RILPL1: variants seen among roughly 807,000 people sequenced by gnomAD.
The protein encoded by RILPL1 is Rab interacting lysosomal protein like 1, also known as RILP-like protein 1.
RILPL1 carries 33 observed loss-of-function variants against 50.3 expected under a neutral mutation model. That is an observed-to-expected ratio of 0.66 (90% CI 0.50 to 0.88). The LOEUF is 0.88. Among genes scored for constraint, RILPL1 ranks in the 40% least tolerant of loss-of-function variants. RILPL1 has a pLI of 0.00. For synonymous variants in RILPL1, 205 were observed against 228.6 expected (o/e 0.90, Z 0.93); for missense variants, 418 against 542.5 (o/e 0.77, Z 2.28).
chr12:123,480,490 C>G (rs566255066), intron 6 of RILPL1, among the ~76,000 whole-genome samples: 71 of 152,118 alleles, frequency 4.7e-4, no homozygotes, highest in Non-Finnish European at 9.0e-4. Flanking sequence ...GACCTGGGAA[C>G]AAATGGCTGA....
intron 2 of RILPL1, chr12:123,514,312 A>C (rs1484115738): frequency 6.6e-6 from 1 of 152,136 alleles, no homozygotes; most frequent in Non-Finnish European, 1.5e-5. Flanking sequence ...ACCTGCAGGG[A>C]GGGAGGGCAG....
Position 123,498,834 on chromosome 12 carries a change from G to A in RILPL1, c.580-69C>T, listed in dbSNP as rs780236443. ...TAGCTCAGGTTGTACACTGCACAAC[G>A]GCAAACCATCCATAGGTGTGCCATT... On this transcript the variant is annotated intron_variant, in intron 3 of 6. Coordinates refer to ENST00000376874, the MANE Select transcript of RILPL1 (RefSeq NM_178314.5). This position sits in a 1 kb window ranked among gnomAD's most constrained non-coding sequence, Gnocchi z 4.3. The A allele has an allele frequency of 6.3e-6, 9 of 1,425,714 alleles. No homozygotes were observed. The highest frequency in any genetic ancestry group is 2.3e-5 in the South Asian group (2 of 87,104). 88.3% of individuals were successfully genotyped at this position (1,425,714 alleles called of 1,614,324 possible). A position where few individuals can be genotyped will look rare whatever the true frequency, so the allele number is the denominator to read the frequency against.
At chr12:123,509,573 A>C (rs1236641797) in intron 2 of RILPL1, among the ~76,000 whole-genome samples, 1 of 152,038 alleles carries the variant, frequency 6.6e-6, no homozygotes, top group Non-Finnish European at 1.5e-5. Context: ...CAAAAAAAAA[A>C]AAAAAAAGAA....
intron 2 of RILPL1, among the ~76,000 whole-genome samples, chr12:123,504,000 CAAA>C (rs552223986): frequency 3.8e-4 from 40 of 104,550 alleles, no homozygotes; most frequent in Non-Finnish European, 4.6e-4. Context: ...GACTCTATCT[CAAA>C]AAAAAAAAAA....
chr12:123,503,819 G>A (rs1883558921), intron 2 of RILPL1, among the ~76,000 whole-genome samples: 1 of 151,716 alleles, frequency 6.6e-6, no homozygotes, highest in Non-Finnish European at 1.5e-5. Flanking sequence ...GGCTAACACG[G>A]TGAAACCCTG....
In RILPL1 at chr12:123,511,096, T is replaced by C. The variant is rs537275551; in HGVS notation, c.461-11560A>G. Among the ~76,000 whole-genome samples the C allele has an allele frequency of 3.4e-3, 480 of 140,104 alleles. 8 individuals carry two copies. The highest frequency in any genetic ancestry group is 0.012 in the African/African-American group (448 of 36,784). 91.9% of individuals were successfully genotyped at this position (140,104 alleles called of 152,430 possible). ...GTGTGTGAGGTCTGTGTGTGGTGTG[T>C]GTGTTAGGTCTGTGTGTGTGGTGTG... On this transcript the variant is annotated intron_variant, in intron 2 of 6. Transcript: ENST00000376874.
chr12:123,475,334 C>T (rs1322298441), intron 6 of RILPL1: 7 of 331,380 alleles, frequency 2.1e-5, no homozygotes, highest in South Asian at 7.4e-5. Context: ...TAGTGTCACT[C>T]GGGGACCGCA....
chr12:123,527,972 G>T (rs868193741), intron 1 of RILPL1, among the ~76,000 whole-genome samples: 1 of 152,046 alleles, frequency 6.6e-6, no homozygotes, highest in Non-Finnish European at 1.5e-5. Context: ...TCTGACGTCC[G>T]GAAATTTCTC....
chr12:123,520,091 A>G (rs182229789), intron 2 of RILPL1, among the ~76,000 whole-genome samples: 1 of 152,338 alleles, frequency 6.6e-6, no homozygotes, highest in East Asian at 1.9e-4. Context: ...TCCTAGGTAC[A>G]CACCTCAAAG....
chr12:123,475,896 AATTTTTTT>A, intron 6 of RILPL1: 4 of 504,986 alleles, frequency 7.9e-6, no homozygotes, highest in Middle Eastern at 5.1e-4. Context: ...ATTCACTTAA[AATTTTTTT>A]TTTTTTTTTT....
Position 123,485,440 on chromosome 12 carries a change from T to C in RILPL1, c.974+193A>G, listed in dbSNP as rs1882261731. Among the ~76,000 whole-genome samples, 1 of 152,214 alleles carries C rather than the reference T, an allele frequency of 6.6e-6. No homozygotes were observed. Among genetic ancestry groups the C allele is most frequent in the Non-Finnish European group, 1.5e-5 (1 of 68,048 alleles). Reference sequence around the variant, plus strand: ...CTGGAATTAAAGGTGTGAGCTCTGGTGCCCGGCCTGGGCCCAAGAGTTTCA... The same window carrying C: ...CTGGAATTAAAGGTGTGAGCTCTGGCGCCCGGCCTGGGCCCAAGAGTTTCA... On this transcript the variant is annotated intron_variant, in intron 5 of 6. Transcript: ENST00000376874. The surrounding 1 kb of genome is among the most constrained non-coding windows in gnomAD (Gnocchi z 4.0).
At chr12:123,483,832 C>T (rs1014132706) in intron 6 of RILPL1, among the ~76,000 whole-genome samples, 20 of 152,172 alleles carry the variant, frequency 1.3e-4, no homozygotes, top group African/African-American at 2.2e-4. Flanking sequence ...GCTTCAGATG[C>T]ACAACCCACC....
Position 123,481,619 on chromosome 12 carries a change from C to G in RILPL1, c.1067+2561G>C, listed in dbSNP as rs530030096. 2.6e-5 allele frequency among the ~76,000 whole-genome samples: 4 copies of G among 151,590 alleles called. No individual in the cohort carries two copies. In the East Asian group the frequency reaches 7.8e-4, roughly 30 times the overall value. On this transcript the variant is annotated intron_variant, in intron 6 of 6. Transcript: ENST00000376874. ...TTGCCCAAACTGGAGTGCAATGGCA[C>G]GATCTTGGCTCACTGCAACCTCTGT...
chr12:123,487,937 C>CT (rs1048486408), intron 4 of RILPL1, among the ~76,000 whole-genome samples: 6 of 152,002 alleles, frequency 3.9e-5, no homozygotes, highest in African/African-American at 9.7e-5. Context: ...AGTTATTTTC[C>CT]TTTTTTTTCT....
At chr12:123,518,551 A>G (rs1231886429) in intron 2 of RILPL1, among the ~76,000 whole-genome samples, 1 of 152,056 alleles carries the variant, frequency 6.6e-6, no homozygotes, top group African/African-American at 2.4e-5. Flanking sequence ...ATTTTATGTA[A>G]AATGTACGTT....
chr12:123,487,879 C>T (rs1188786204), intron 4 of RILPL1, among the ~76,000 whole-genome samples: 5 of 152,198 alleles, frequency 3.3e-5, no homozygotes, highest in African/African-American at 1.2e-4. Context: ...ATTTTACATT[C>T]CCACCAGCAA....
At chr12:123,520,212 C>T (rs1169834338) in intron 2 of RILPL1, among the ~76,000 whole-genome samples, 2 of 152,196 alleles carry the variant, frequency 1.3e-5, no homozygotes, top group East Asian at 3.8e-4. Flanking sequence ...GATGAGTGGG[C>T]AAACGACATG....
At chr12:123,518,112 TCA>T (rs1335361453) in intron 2 of RILPL1, among the ~76,000 whole-genome samples, 1 of 152,156 alleles carries the variant, frequency 6.6e-6, no homozygotes, top group Non-Finnish European at 1.5e-5. Context: ...GGACAGTGTT[TCA>T]GTTTTGTGAG....
intron 2 of RILPL1, among the ~76,000 whole-genome samples, chr12:123,507,998 G>A (rs188014493): frequency 1.3e-5 from 2 of 151,294 alleles, no homozygotes; most frequent in East Asian, 1.9e-4. Context: ...GTTGCCTAGG[G>A]CTAGGGGGAA....
Sources: gnomAD v4.1 joint callset for allele counts (sites outside exome capture counted in the v4.1 genomes callset) on GRCh38, gnomAD v4.1.1 for gene constraint, Gnocchi (gnomAD v3.1) non-coding constraint, MANE v1.5 for transcripts, NCBI Gene and HGNC (gene_info 2026-07-23, HGNC 2026-07-21) for gene names.